Variants in RPL30 observed in about 807,000 individuals in gnomAD.
RPL30 encodes large ribosomal subunit protein eL30.
For missense variants in RPL30, 60 were observed against 138.0 expected (o/e 0.43, Z 2.83); for synonymous variants, 40 against 50.4 (o/e 0.79, Z 0.87).
At position 98,044,954 on chromosome 8, in the gene RPL30, G is replaced by A. The variant is rs1188415676; in HGVS notation, c.156C>T (p.Cys52=). 1 of 1,613,388 alleles carries A rather than the reference G, an allele frequency of 6.2e-7. No homozygotes were observed. The highest frequency in any genetic ancestry group is 8.5e-7 in the Non-Finnish European group (1 of 1,179,988). ...KAKLVILANN[C]PALRKSEIEY... The stretch of plus-strand genomic sequence containing the variant: ...GTCTCTTCGATTACCTCAAAGCTGG[G>A]CAGTTGTTAGCGAGAATGACCAATT... The change falls in exon 3 of 5, where the codon TGC becomes TGT. Residue 52 remains cysteine (C), a synonymous_variant. Transcript: ENST00000287038.
intron 2 of RPL30, 30 bp from the exon 3 acceptor site, chr8:98,045,118 A>G (rs754910662): frequency 6.2e-7 from 1 of 1,603,880 alleles, no homozygotes; most frequent in Non-Finnish European, 8.5e-7. Context: ...TACGGACCTA[A>G]GGGCCTCGCC....
rs570537410 is a variant in RPL30 at position 98,044,779 on chromosome 8, G to T, written c.167+164C>A. ...ACAGAAGGGGAGCACACGATTTGGG[G>T]GTGGGTCGGGGAGACGGGAATGAAG... On this transcript the variant is annotated intron_variant, in intron 3 of 4. Coordinates refer to ENST00000287038, the MANE Select transcript of RPL30 (RefSeq NM_000989.4). 5.0e-5 allele frequency: 35 copies of T among 699,764 alleles called. 1 individual carries two copies. The East Asian group carries it at 8.7e-4, about 17-fold the overall frequency. The allele number at this position is 699,764 out of a possible 1,614,324, so 43.3% of individuals were successfully genotyped here. A position where few individuals can be genotyped will look rare whatever the true frequency, so the allele number is the denominator to read the frequency against.
chr8:98,041,775 AG>A lies in RPL30; in HGVS notation c.*25del. 6.4e-7 allele frequency: 1 copy of A among 1,554,706 alleles called. No individual in the cohort carries two copies. Among genetic ancestry groups the A allele is most frequent in the East Asian group, 2.3e-5 (1 of 44,414 alleles). On this transcript the variant is annotated 3_prime_UTR_variant, in exon 5 of 5. Transcript: ENST00000287038. ...AAAATTTTGCAGGTTTAAGGTTTGC[AG>A]GTGAAATTTTGTAGGTGAAAAGGTT...
chr8:98,044,931 C>T lies in RPL30; in HGVS notation c.167+12G>A, dbSNP rs113180646. The T allele has an allele frequency of 3.7e-3, 5,999 of 1,608,214 alleles. 120 individuals are homozygous for T. The African/African-American group carries it at 0.051, about 14-fold the overall frequency. On this transcript the variant is annotated intron_variant, in intron 3 of 4. Transcript: ENST00000287038. ...TCGCGGTAGGCGAAGCCCGTTCAGTCTCTTCGATTACCTCAAAGCTGGGCA... is the reference window on the plus strand; with the variant it reads ...TCGCGGTAGGCGAAGCCCGTTCAGTTTCTTCGATTACCTCAAAGCTGGGCA...
rs115595912 is a variant in RPL30 at position 98,045,403 on chromosome 8, G to A, written c.-32-4C>T. On this transcript the variant is annotated splice_polypyrimidine_tract_variant and splice_region_variant and intron_variant, in intron 1 of 4. Coordinates refer to ENST00000287038, the MANE Select transcript of RPL30 (RefSeq NM_000989.4). ...TAGGAGCGGGACGGCCCCCAACCTA[G>A]AAGAGACAGAGAACAGGACAGGAAT... The A allele has an allele frequency of 1.9e-4, 314 of 1,613,796 alleles. No individual in the cohort carries two copies. In the African/African-American group the frequency reaches 3.8e-3, roughly 19 times the overall value.
chr8:98,045,176 A>T, intron 2 of RPL30, 88 bp from the exon 3 acceptor site: 1 of 1,563,656 alleles, frequency 6.4e-7, no homozygotes, highest in Non-Finnish European at 8.7e-7. Context: ...CGAGCCCCTT[A>T]AACTTCCGAA....
chr8:98,045,305 C>T (rs1306061468), intron 2 of RPL30, 42 bp downstream of exon 2: 1 of 1,613,884 alleles, frequency 6.2e-7, no homozygotes, highest in African/African-American at 1.3e-5. Context: ...CAAGACATCT[C>T]TCCACGTGAA....
At chr8:98,043,923 G>C (rs1305540326) in intron 3 of RPL30, 3 of 152,242 alleles carry the variant, frequency 2.0e-5, no homozygotes, top group Non-Finnish European at 4.4e-5. Flanking sequence ...GACCAGCCTG[G>C]CCAGCATGGC....
chr8:98,042,618 A>AAAAG (rs1586186143), intron 4 of RPL30, 27 bp downstream of exon 4: 2 of 1,591,836 alleles, frequency 1.3e-6, no homozygotes, highest in Non-Finnish European at 1.7e-6. Context: ...CAAAAAAAAA[A>AAAAG]AAGACTTTAT....
chr8:98,045,421 A>G lies in RPL30; in HGVS notation c.-32-22T>C, dbSNP rs566163443. 4 of 1,611,350 alleles carry G rather than the reference A, an allele frequency of 2.5e-6. No individual in the cohort carries two copies. The South Asian group carries it at 3.3e-5, about 13-fold the overall frequency. ...CAACCTAGAAGAGACAGAGAACAGGACAGGAATTTTAGGATCCGGAGTTAC... is the reference window on the plus strand; with the variant it reads ...CAACCTAGAAGAGACAGAGAACAGGGCAGGAATTTTAGGATCCGGAGTTAC... On this transcript the variant is annotated intron_variant, in intron 1 of 4. Transcript: ENST00000287038.
Position 98,045,360 on chromosome 8 carries a change from G to A in RPL30, c.8C>T (p.Ala3Val). MVAAKKTKKSLES... is the reference protein window; with the variant it reads MVVAKKTKKSLES... ...CGCCTCACTCACCGTCTTCTTTGCG[G>A]CCACCATCTTCCTGCCTTAGGAGCG... The change falls in exon 2 of 5, where the codon GCC becomes GTC. Residue 3 changes from alanine (A) to valine (V), a missense_variant. By Grantham distance (64) the Ala-to-Val change is moderately conservative (BLOSUM62 0). Transcript: ENST00000287038. 1.2e-6 allele frequency: 2 copies of A among 1,614,162 alleles called. No homozygotes were observed. Among genetic ancestry groups the A allele is most frequent in the Non-Finnish European group, 1.7e-6 (2 of 1,180,024 alleles).
At chr8:98,042,485 T>C in intron 4 of RPL30, 160 bp downstream of exon 4, 3 of 680,052 alleles carry the variant, frequency 4.4e-6, no homozygotes, top group Non-Finnish European at 7.3e-6. Flanking sequence ...TGGCATTCAT[T>C]ACCAATTCTC....
intron 4 of RPL30, chr8:98,042,203 C>T (rs767300418): frequency 1.3e-5 from 7 of 552,814 alleles, no homozygotes; most frequent in Middle Eastern, 3.0e-4. Context: ...ATCAGAACAG[C>T]GAGAATATTC....
chr8:98,044,715 C>T, intron 3 of RPL30: 1 of 516,206 alleles, frequency 1.9e-6, no homozygotes, highest in Non-Finnish European at 3.4e-6. Context: ...TGTTTTCACT[C>T]CTGCCACACA....
intron 1 of RPL30, 54 bp from the exon 2 acceptor site, chr8:98,045,453 C>A: frequency 6.4e-7 from 1 of 1,553,784 alleles, no homozygotes; most frequent in Non-Finnish European, 8.9e-7. Flanking sequence ...TTACAAATGG[C>A]AACCCGCAAA....
Position 98,045,369 on chromosome 8 carries a change from T to G in RPL30, c.-2A>C. ...CACCGTCTTCTTTGCGGCCACCATC[T>G]TCCTGCCTTAGGAGCGGGACGGCCC... is the stretch of plus-strand genomic sequence containing the variant. On this transcript the variant is annotated 5_prime_UTR_variant, in exon 2 of 5. Coordinates refer to ENST00000287038, the MANE Select transcript of RPL30 (RefSeq NM_000989.4). The G allele has an allele frequency of 3.1e-6, 5 of 1,614,168 alleles. No homozygotes were observed. Among genetic ancestry groups the G allele is most frequent in the Non-Finnish European group, 4.2e-6 (5 of 1,180,028 alleles).
At chr8:98,042,559 A>C (rs2130480342) in intron 4 of RPL30, 86 bp downstream of exon 4, 1 of 1,314,390 alleles carries the variant, frequency 7.6e-7, no homozygotes, top group African/African-American at 1.5e-5. Flanking sequence ...TAGGAACCAA[A>C]GACATTTGCG....
chr8:98,042,499 A>G (rs527793675), intron 4 of RPL30, 146 bp downstream of exon 4: 15 of 777,406 alleles, frequency 1.9e-5, no homozygotes, highest in Admixed American at 1.4e-4. Flanking sequence ...AATTCTCTAC[A>G]AAATACAACT....
At chr8:98,043,748 G>C (rs1814425832) in intron 3 of RPL30, 1 of 151,990 alleles carries the variant, frequency 6.6e-6, no homozygotes, top group African/African-American at 2.4e-5. Flanking sequence ...TCGGAAAGGA[G>C]TCCTATACTA....
Sources: allele counts gnomAD v4.1 joint callset, GRCh38; gene constraint gnomAD v4.1.1; transcripts MANE v1.5; gene names NCBI Gene and HGNC (gene_info 2026-07-23, HGNC 2026-07-21).